Variants in TMEM237 observed in about 807,000 individuals in gnomAD.
TMEM237 encodes the protein transmembrane protein 237.
Under a neutral mutation model 59.1 loss-of-function variants are expected in TMEM237, and 51 were observed. That is an observed-to-expected ratio of 0.86 (90% CI 0.69 to 1.09). TMEM237 has a LOEUF of 1.09. Among genes scored for constraint, TMEM237 ranks in the 50% least tolerant of loss-of-function variants. TMEM237 has a pLI of 0.00. For synonymous variants in TMEM237, 140 were observed against 166.1 expected (o/e 0.84, Z 1.21); for missense variants, 475 against 478.3 (o/e 0.99, Z 0.06).
Position 201,642,547 on chromosome 2 carries a change from A to G in TMEM237, c.42+812T>C. ...AGAGACCCAACCTCTAATCCTCAAA[A>G]GTAGGACGGCTCAACTGAAGACAAA... On this transcript the variant is annotated intron_variant, in intron 1 of 12. Coordinates refer to ENST00000409883, the MANE Select transcript of TMEM237 (RefSeq NM_001044385.3). 1.9e-6 allele frequency: 3 copies of G among 1,582,420 alleles called. No individual in the cohort carries two copies. The South Asian group carries it at 3.4e-5, about 18-fold the overall frequency.
chr2:201,643,280 C>A lies in TMEM237; in HGVS notation c.42+79G>T, dbSNP rs1428871357. On this transcript the variant is annotated intron_variant, in intron 1 of 12. Coordinates refer to ENST00000409883, the MANE Select transcript of TMEM237 (RefSeq NM_001044385.3). This position sits in a 1 kb window ranked among gnomAD's most constrained non-coding sequence, Gnocchi z 4.3. ...TGATTCCCAGCTCGTTGGCGCCCCC[C>A]CACACACACCCACCCCCACTGCCAA... 35 of 1,334,878 alleles carry A rather than the reference C, an allele frequency of 2.6e-5. No individual in the cohort carries two copies. Among genetic ancestry groups the A allele is most frequent in the East Asian group, 1.3e-4 (5 of 37,714 alleles). The allele number at this position is 1,334,878 out of a possible 1,614,324, so 82.7% of individuals were successfully genotyped here.
chr2:201,625,201 A>C (rs1957747180), intron 12 of TMEM237, among the ~76,000 whole-genome samples: 1 of 152,014 alleles, frequency 6.6e-6, no homozygotes, highest in Non-Finnish European at 1.5e-5. Flanking sequence ...TCTCTATTAA[A>C]AATACAAAAA....
intron 12 of TMEM237, 50 bp downstream of exon 12, chr2:201,625,976 C>A: frequency 6.6e-7 from 1 of 1,524,316 alleles, no homozygotes; most frequent in South Asian, 1.2e-5. Context: ...TTTATAAAAC[C>A]ATTATAGAAG....
chr2:201,629,808 C>T lies in TMEM237; in HGVS notation c.598G>A (p.Glu200Lys). 1.2e-6 allele frequency: 2 copies of T among 1,613,466 alleles called. No individual in the cohort carries two copies. Among genetic ancestry groups the T allele is most frequent in the Non-Finnish European group, 1.7e-6 (2 of 1,179,790 alleles). The change falls in exon 8 of 13, where the codon GAA (glutamate) becomes AAA (lysine). Residue 200 changes from glutamate (E) to lysine (K), a missense_variant. Transcript: ENST00000409883. Reference sequence around the variant, plus strand: ...ACGTCCATTGACACATCTATGTTTTCTGTGGTCTTTATCAACTCTGAACGA... The same window carrying T: ...ACGTCCATTGACACATCTATGTTTTTTGTGGTCTTTATCAACTCTGAACGA... ...ADRSELIKTTENIDVSMDVKP... is the reference protein window; with the variant it reads ...ADRSELIKTTKNIDVSMDVKP...
At chr2:201,640,203 C>A in intron 3 of TMEM237, 58 bp downstream of exon 3, 2 of 1,429,836 alleles carry the variant, frequency 1.4e-6, no homozygotes, top group Non-Finnish European at 9.4e-7. Context: ...AGAAACAAAC[C>A]AAGGAATCAA....
At position 201,621,927 on chromosome 2, in the gene TMEM237, G is replaced by A. The variant is rs1375061766; in HGVS notation, c.*2328C>T. The A allele has an allele frequency of 6.6e-6, 1 of 152,416 alleles. No individual in the cohort carries two copies. Among genetic ancestry groups the A allele is most frequent in the Non-Finnish European group, 1.5e-5 (1 of 68,052 alleles). The allele number at this position is 152,416 out of a possible 1,614,324, so 9.4% of individuals were successfully genotyped here. On this transcript the variant is annotated 3_prime_UTR_variant, in exon 13 of 13. Transcript: ENST00000409883. Reference sequence around the variant, plus strand: ...CCCTGCTTCCTGGAGACATGCATTAGCAGTGAACTTCTTCCAAACTTCCCT... The same window carrying A: ...CCCTGCTTCCTGGAGACATGCATTAACAGTGAACTTCTTCCAAACTTCCCT...
intron 12 of TMEM237, among the ~76,000 whole-genome samples, chr2:201,624,876 T>C (rs1957743319): frequency 6.6e-6 from 1 of 152,232 alleles, no homozygotes. Context: ...TTAGACTGAA[T>C]ACTGCACAAT....
At position 201,626,050 on chromosome 2, in the gene TMEM237, T is replaced by A. The variant is rs747158935; in HGVS notation, c.1135A>T (p.Arg379Trp). The change falls in exon 12 of 13, where the codon AGG becomes TGG. Residue 379 changes from arginine to tryptophan, a missense_variant. By Grantham distance (101) the Arg-to-Trp change is moderately radical (BLOSUM62 -3). Transcript: ENST00000409883. Reference protein sequence around the residue: ...VGLSWLFLSYRPGMDLSEELM... With the variant: ...VGLSWLFLSYWPGMDLSEELM... ...CCTTCACTAAGATCCATGCCTGGCC[T>A]ATAAGACAAAAATAGCCAAGATAAT... 5 of 1,595,758 alleles carry A rather than the reference T, an allele frequency of 3.1e-6. No individual in the cohort carries two copies. The South Asian group carries it at 5.7e-5, about 18-fold the overall frequency.
intron 10 of TMEM237, among the ~76,000 whole-genome samples, chr2:201,627,768 G>A (rs542584542): frequency 1.6e-4 from 24 of 152,012 alleles, no homozygotes; most frequent in African/African-American, 5.8e-4. Context: ...ATAAAATATT[G>A]TTTGTTATTA....
intron 2 of TMEM237, 83 bp from the exon 3 acceptor site, chr2:201,640,348 T>C: frequency 7.6e-7 from 1 of 1,323,526 alleles, no homozygotes; most frequent in Non-Finnish European, 1.0e-6. Context: ...CCTGTTAATA[T>C]TCACAGTGAA....
At chr2:201,630,501 G>C (rs961701740) in intron 7 of TMEM237, among the ~76,000 whole-genome samples, 3 of 152,104 alleles carry the variant, frequency 2.0e-5, no homozygotes, top group Admixed American at 6.6e-5. Context: ...AAACAGGAAA[G>C]GTTCCATTTC....
rs1957732289 is a variant in TMEM237 at position 201,623,788 on chromosome 2, T to C, written c.*467A>G. 1 of 152,992 alleles carries C rather than the reference T, an allele frequency of 6.5e-6. No homozygotes were observed. The highest frequency in any genetic ancestry group is 6.5e-5 in the Admixed American group (1 of 15,294). 9.5% of individuals were successfully genotyped at this position (152,992 alleles called of 1,614,324 possible). ...ATTATAATTATTACATGATACTCAATCACTAAGCCAGTTTCAGAAAAGACA... is the reference window on the plus strand; with the variant it reads ...ATTATAATTATTACATGATACTCAACCACTAAGCCAGTTTCAGAAAAGACA... On this transcript the variant is annotated 3_prime_UTR_variant, in exon 13 of 13. Coordinates refer to ENST00000409883, the MANE Select transcript of TMEM237 (RefSeq NM_001044385.3).
intron 9 of TMEM237, among the ~76,000 whole-genome samples, chr2:201,628,465 G>A (rs1227227001): frequency 3.3e-5 from 5 of 152,024 alleles, no homozygotes; most frequent in Non-Finnish European, 1.5e-5. Flanking sequence ...CTCTAACTCG[G>A]TGGATTTTTT....
chr2:201,640,035 G>C (rs933540994), intron 3 of TMEM237, among the ~76,000 whole-genome samples: 2 of 152,232 alleles, frequency 1.3e-5, no homozygotes, highest in African/African-American at 4.8e-5. Context: ...CAACAGTTAT[G>C]TGCTGGGTGA....
chr2:201,641,008 T>G lies in TMEM237; in HGVS notation c.43-84A>C. On this transcript the variant is annotated intron_variant, in intron 1 of 12. Transcript: ENST00000409883. ...ATACCATCACGCTATTTTTTTTTTT[T>G]TGAGATGGTGTATTGCTGTGTGGCC... is the stretch of plus-strand genomic sequence containing the variant. The G allele has an allele frequency of 2.3e-6, 3 of 1,295,734 alleles. No individual in the cohort carries two copies. In the South Asian group the frequency reaches 4.2e-5, roughly 18 times the overall value. 80.3% of individuals were successfully genotyped at this position (1,295,734 alleles called of 1,614,324 possible). A position where few individuals can be genotyped will look rare whatever the true frequency, so the allele number is the denominator to read the frequency against.
In TMEM237 at chr2:201,637,601, G is replaced by A. The variant is rs189765412; in HGVS notation, c.137-716C>T. ...TCTACTAAAAATACAAAAATTAGCC[G>A]GGTGTAGTGGCATGCGCCTGTAGTC... On this transcript the variant is annotated intron_variant, in intron 4 of 12. Coordinates refer to ENST00000409883, the MANE Select transcript of TMEM237 (RefSeq NM_001044385.3). Among the ~76,000 whole-genome samples the A allele has an allele frequency of 2.0e-3, 297 of 152,018 alleles. 2 individuals are homozygous for A. Among genetic ancestry groups the A allele is most frequent in the Middle Eastern group, 0.014 (4 of 294 alleles).
At chr2:201,632,255 T>C in intron 6 of TMEM237, 47 bp from the exon 7 acceptor site, 1 of 1,597,032 alleles carries the variant, frequency 6.3e-7, no homozygotes, top group African/African-American at 1.3e-5. Context: ...ATTGAATTTT[T>C]TACAGACTTA....
chr2:201,632,346 G>A, intron 6 of TMEM237, 138 bp from the exon 7 acceptor site: 2 of 909,238 alleles, frequency 2.2e-6, no homozygotes, highest in South Asian at 3.5e-5. Context: ...AAATAAATCG[G>A]TTATTAACTA....
chr2:201,638,010 C>T (rs1379586279), intron 4 of TMEM237, among the ~76,000 whole-genome samples: 1 of 152,134 alleles, frequency 6.6e-6, no homozygotes, highest in African/African-American at 2.4e-5. Context: ...ACATCCTGCA[C>T]CTAGCAATTC....
Sources: allele counts gnomAD v4.1 joint callset (sites outside exome capture counted in the v4.1 genomes callset), GRCh38; gene constraint gnomAD v4.1.1; non-coding constraint Gnocchi (gnomAD v3.1); transcripts MANE v1.5; gene names NCBI Gene and HGNC (gene_info 2026-07-23, HGNC 2026-07-21).